GNAI3: variants seen among roughly 807,000 people sequenced by gnomAD.
GNAI3 encodes the protein G protein subunit alpha i3, also known as guanine nucleotide-binding protein G(i) subunit alpha-3.
A neutral mutation model predicts 41.8 loss-of-function variants in GNAI3; 12 were observed. The ratio of observed to expected loss-of-function variants is 0.29; its 90% CI spans 0.18 to 0.47. The LOEUF is 0.47. GNAI3 is among the 20% of genes least tolerant of loss of function. The pLI, the probability that GNAI3 is intolerant of heterozygous loss-of-function variation, is 1.00. For synonymous variants in GNAI3, 132 were observed against 146.5 expected (o/e 0.90, Z 0.71); for missense variants, 360 against 429.6 (o/e 0.84, Z 1.43).
At chr1:109,575,534 CTTTTTTTTTTTT>C (rs747890363) in intron 3 of GNAI3, among the ~76,000 whole-genome samples, 17 of 52,856 alleles carry the variant, frequency 3.2e-4, no homozygotes, top group Non-Finnish European at 4.8e-4. Flanking sequence ...CCTTTCATTT[CTTTTTTTTTTTT>C]TTTTTTTTTT....
chr1:109,570,820 A>C (rs1166741088), intron 1 of GNAI3, among the ~76,000 whole-genome samples: 3 of 152,184 alleles, frequency 2.0e-5, no homozygotes, highest in African/African-American at 7.2e-5. Context: ...ATGGATTTTG[A>C]GTATAATTGA....
chr1:109,548,656 C>A lies in GNAI3; in HGVS notation c.-65C>A. The A allele has an allele frequency of 1.7e-6, 2 of 1,166,940 alleles. No homozygotes were observed. The highest frequency in any genetic ancestry group is 2.6e-6 in the Non-Finnish European group (2 of 783,390). The allele number at this position is 1,166,940 out of a possible 1,614,324, so 72.3% of individuals were successfully genotyped here. A position where few individuals can be genotyped will look rare whatever the true frequency, so the allele number is the denominator to read the frequency against. Reference sequence around the variant, plus strand: ...GCCCAGCAATAGACGGTGCCTCAGCCTGCCGAGCCGCAGTTTCCGTGGTGT... The same window carrying A: ...GCCCAGCAATAGACGGTGCCTCAGCATGCCGAGCCGCAGTTTCCGTGGTGT... On this transcript the variant is annotated 5_prime_UTR_variant, in exon 1 of 9. In the 5' UTR this introduces an upstream ATG that the reference lacks. Coordinates refer to ENST00000369851, the MANE Select transcript of GNAI3 (RefSeq NM_006496.4).
chr1:109,552,967 A>G (rs758277452), intron 1 of GNAI3, among the ~76,000 whole-genome samples: 3 of 152,232 alleles, frequency 2.0e-5, no homozygotes, highest in Non-Finnish European at 4.4e-5. Context: ...TAATTTTTAC[A>G]TATGTAAAGC....
chr1:109,579,142 A>C, intron 3 of GNAI3, 62 bp from the exon 4 acceptor site: 2 of 1,329,600 alleles, frequency 1.5e-6, no homozygotes, highest in South Asian at 2.7e-5. Context: ...TTTTAAAGAG[A>C]CTGTCATCAA....
At chr1:109,571,811 A>G (rs1298833) in intron 1 of GNAI3, among the ~76,000 whole-genome samples, 1 of 152,114 alleles carries the variant, frequency 6.6e-6, no homozygotes, top group African/African-American at 2.4e-5. Flanking sequence ...CCAGCTACTC[A>G]GGAGGCTGAG....
At chr1:109,577,015 GTTTTTTTT>G (rs5776987) in intron 3 of GNAI3, among the ~76,000 whole-genome samples, 9 of 144,124 alleles carry the variant, frequency 6.2e-5, no homozygotes, top group African/African-American at 1.5e-4. Flanking sequence ...GTTTTTTTCT[GTTTTTTTT>G]TTTTTTTAAA....
At chr1:109,553,879 C>T (rs1181017270) in intron 1 of GNAI3, among the ~76,000 whole-genome samples, 2 of 152,136 alleles carry the variant, frequency 1.3e-5, no homozygotes, top group East Asian at 3.8e-4. Flanking sequence ...CCCCCGAGTC[C>T]CCAAAGTCCG....
intron 1 of GNAI3, among the ~76,000 whole-genome samples, chr1:109,563,158 G>T (rs192838573): frequency 6.6e-6 from 1 of 152,282 alleles, no homozygotes; most frequent in Admixed American, 6.5e-5. Context: ...AGCACCTTGG[G>T]ATCACTTGAG....
intron 3 of GNAI3, among the ~76,000 whole-genome samples, chr1:109,574,584 C>T (rs1304306628): frequency 6.6e-6 from 1 of 152,034 alleles, no homozygotes; most frequent in Non-Finnish European, 1.5e-5. Context: ...TTGCACATGT[C>T]AGCTATTTAA....
intron 1 of GNAI3, among the ~76,000 whole-genome samples, chr1:109,565,327 A>G (rs368483491): frequency 6.6e-6 from 1 of 152,066 alleles, no homozygotes; most frequent in African/African-American, 2.4e-5. Flanking sequence ...TGTTTTATAT[A>G]CCCTTCTAGG....
chr1:109,551,143 C>T (rs529461290), intron 1 of GNAI3, among the ~76,000 whole-genome samples: 46 of 152,332 alleles, frequency 3.0e-4, no homozygotes, highest in African/African-American at 1.0e-3. Flanking sequence ...AAGTACTAAA[C>T]ATATTTGCTT....
At position 109,548,792 on chromosome 1, in the gene GNAI3, G is replaced by C. The variant is rs750979199; in HGVS notation, c.72G>C (p.Arg24=). 1.6e-5 allele frequency: 26 copies of C among 1,612,886 alleles called. No homozygotes were observed. In the Admixed American group the frequency reaches 4.0e-4, roughly 25 times the overall value. Residue 24 remains arginine, a synonymous_variant, in exon 1 of 9, where the codon CGG becomes CGC. Transcript: ENST00000369851. The part of the protein sequence containing the change: ...ERSKMIDRNL[R]EDGEKAAKEV... ...GCAAGATGATCGACCGCAACTTACG[G>C]GAGGACGGGGAAAAAGCGGCCAAAG... is the stretch of plus-strand genomic sequence containing the variant.
At chr1:109,555,937 C>T (rs1286957862) in intron 1 of GNAI3, among the ~76,000 whole-genome samples, 1 of 130,828 alleles carries the variant, frequency 7.6e-6, no homozygotes, top group African/African-American at 2.6e-5. Flanking sequence ...AGCATACTTT[C>T]TCCTGGGGAA....
In GNAI3 at chr1:109,548,671, T is replaced by A. The variant is rs753570543; in HGVS notation, c.-50T>A. ...GTGCCTCAGCCTGCCGAGCCGCAGT[T>A]TCCGTGGTGTGAGTGAGTCCGGGCC... On this transcript the variant is annotated 5_prime_UTR_variant, in exon 1 of 9. Transcript: ENST00000369851. The A allele has an allele frequency of 1.5e-6, 2 of 1,335,118 alleles. No individual in the cohort carries two copies. Among genetic ancestry groups the A allele is most frequent in the East Asian group, 4.7e-5 (2 of 43,006 alleles). 82.7% of individuals were successfully genotyped at this position (1,335,118 alleles called of 1,614,324 possible). A position where few individuals can be genotyped will look rare whatever the true frequency, so the allele number is the denominator to read the frequency against.
rs1005770991 is a variant in GNAI3 at position 109,595,257 on chromosome 1, A to T, written c.*2935A>T. ...TTAATGGACAGTCCCCCCTAACCTT[A>T]TAAATTCAGCTTTGCAACAGATTTC... On this transcript the variant is annotated 3_prime_UTR_variant, in exon 9 of 9. Transcript: ENST00000369851. 1.3e-5 allele frequency: 2 copies of T among 152,204 alleles called. No homozygotes were observed. The allele number at this position is 152,204 out of a possible 1,614,324, so 9.4% of individuals were successfully genotyped here. A position where few individuals can be genotyped will look rare whatever the true frequency, so the allele number is the denominator to read the frequency against.
At chr1:109,576,542 G>C (rs930972868) in intron 3 of GNAI3, among the ~76,000 whole-genome samples, 2 of 150,802 alleles carry the variant, frequency 1.3e-5, no homozygotes, top group African/African-American at 4.9e-5. Context: ...TTTTGAGACA[G>C]AGTTTCACTC....
chr1:109,564,037 G>A lies in GNAI3; in HGVS notation c.119-9700G>A, dbSNP rs896681227. On this transcript the variant is annotated intron_variant, in intron 1 of 8. Coordinates refer to ENST00000369851, the MANE Select transcript of GNAI3 (RefSeq NM_006496.4). ...TTAAAGCCTATTCCATTCAGTTTTT[G>A]TGTGTTTTTTTTTTTTTTTGGTGGC... Among the ~76,000 whole-genome samples the A allele has an allele frequency of 6.5e-5, 9 of 137,634 alleles. No homozygotes were observed. In the South Asian group the frequency reaches 9.4e-4, roughly 14 times the overall value. The allele number at this position is 137,634 out of a possible 152,430, so 90.3% of individuals were successfully genotyped here. A position where few individuals can be genotyped will look rare whatever the true frequency, so the allele number is the denominator to read the frequency against.
chr1:109,572,901 C>T (rs1036006011), intron 1 of GNAI3, among the ~76,000 whole-genome samples: 1 of 152,174 alleles, frequency 6.6e-6, no homozygotes, highest in Non-Finnish European at 1.5e-5. Flanking sequence ...AGAGACTTTT[C>T]ATCCATTGAT....
chr1:109,577,333 A>G (rs997039342), intron 3 of GNAI3, among the ~76,000 whole-genome samples: 1 of 149,144 alleles, frequency 6.7e-6, no homozygotes, highest in Non-Finnish European at 1.5e-5. Flanking sequence ...CTAGAGTGCA[A>G]TGGCACCATC....
Sources: gnomAD v4.1 joint callset for allele counts (sites outside exome capture counted in the v4.1 genomes callset) on GRCh38, gnomAD v4.1.1 for gene constraint, MANE v1.5 for transcripts, NCBI Gene and HGNC (gene_info 2026-07-23, HGNC 2026-07-21) for gene names.